The following EPAS1 variants were observed in gnomAD, a reference collection of about 807,000 sequenced individuals.
EPAS1 encodes the protein endothelial PAS domain-containing protein 1.
In EPAS1, 23 loss-of-function variants were observed where a neutral mutation model predicts 87.9. The ratio of observed to expected loss-of-function variants is 0.26; its 90% CI spans 0.19 to 0.37. The LOEUF is 0.37. EPAS1 is among the 10% of genes least tolerant of loss of function. The pLI, the probability that EPAS1 is intolerant of heterozygous loss-of-function variation, is 1.00. For synonymous variants in EPAS1, 508 were observed against 444.3 expected (o/e 1.14, Z -1.80); for missense variants, 1,138 against 1,120.7 (o/e 1.02, Z -0.22).
At chr2:46,359,496 T>A (rs188958160) in intron 4 of EPAS1, among the ~76,000 whole-genome samples, 1 of 152,254 alleles carries the variant, frequency 6.6e-6, no homozygotes, top group East Asian at 1.9e-4. Flanking sequence ...TAATTTGGTA[T>A]GGGAGAAATG....
At chr2:46,384,231 G>A (rs1285942576) in intron 15 of EPAS1, among the ~76,000 whole-genome samples, 3 of 152,202 alleles carry the variant, frequency 2.0e-5, no homozygotes, top group Admixed American at 6.5e-5. Flanking sequence ...AGGCATGGGG[G>A]TCAGCAACCC....
At chr2:46,355,807 G>A (rs1684257521) in intron 2 of EPAS1, among the ~76,000 whole-genome samples, 1 of 152,222 alleles carries the variant, frequency 6.6e-6, no homozygotes, top group Non-Finnish European at 1.5e-5. Context: ...TGTGGTCTGG[G>A]ACAAGAGCTG....
Position 46,376,581 on chromosome 2 carries a change from T to C in EPAS1, c.1077T>C (p.Thr359=), listed in dbSNP as rs149190271. 373 of 1,614,176 alleles carry C rather than the reference T, an allele frequency of 2.3e-4. No homozygotes were observed. The highest frequency in any genetic ancestry group is 2.9e-4 in the Non-Finnish European group (337 of 1,180,034). ...ACGTGGTGTTCTCCATGGACCAGAC[T>C]GAATCCCTGTTCAAGCCCCACCTGA... ...KNDVVFSMDQ[T]ESLFKPHLMA... Residue 359 remains threonine, a synonymous_variant, in exon 9 of 16, where the codon ACT becomes ACC. Transcript: ENST00000263734.
At chr2:46,372,583 C>T (rs1037758249) in intron 7 of EPAS1, among the ~76,000 whole-genome samples, 1 of 152,174 alleles carries the variant, frequency 6.6e-6, no homozygotes, top group African/African-American at 2.4e-5. Context: ...GTCAGTCTCC[C>T]TTTGTTATAT....
intron 1 of EPAS1, among the ~76,000 whole-genome samples, chr2:46,313,074 G>T (rs1268373699): frequency 6.6e-6 from 1 of 152,190 alleles, no homozygotes. Context: ...TCTTTAAGAG[G>T]TCAGACAGCT....
chr2:46,366,190 C>A (rs755292299), intron 6 of EPAS1, among the ~76,000 whole-genome samples: 21 of 152,250 alleles, frequency 1.4e-4, no homozygotes, highest in Non-Finnish European at 2.1e-4. Context: ...CTTCTCAGGC[C>A]TGTGGGTGGA....
At chr2:46,357,272 T>C (rs1054562633) in intron 4 of EPAS1, among the ~76,000 whole-genome samples, 1 of 152,212 alleles carries the variant, frequency 6.6e-6, no homozygotes, top group African/African-American at 2.4e-5. Flanking sequence ...CTCCATGTGA[T>C]GTCAGCTGGG....
chr2:46,320,053 A>G (rs1196807831), intron 1 of EPAS1, among the ~76,000 whole-genome samples: 2 of 152,246 alleles, frequency 1.3e-5, no homozygotes, highest in Admixed American at 6.5e-5. Context: ...TATTACAACA[A>G]TCTGAATAAT....
At chr2:46,377,091 T>C (rs928714239) in intron 9 of EPAS1, among the ~76,000 whole-genome samples, 1 of 152,142 alleles carries the variant, frequency 6.6e-6, no homozygotes, top group African/African-American at 2.4e-5. Flanking sequence ...CCGAGGCCAC[T>C]TGGACACTGT....
rs370619221 is a variant in EPAS1 at position 46,380,483 on chromosome 2, T to A, written c.1811T>A (p.Met604Lys). Reference protein sequence around the residue: ...SKKTEPEHRPMSSIFFDAGSK... With the variant: ...SKKTEPEHRPKSSIFFDAGSK... ...AAGACAGAGCCCGAGCACCGGCCCA[T>A]GTCCTCCATCTTCTTTGATGCCGGA... The change falls in exon 12 of 16, where the codon ATG becomes AAG. Residue 604 changes from methionine (M) to lysine (K), a missense_variant. By Grantham distance (95) the Met-to-Lys change is moderately conservative. Coordinates refer to ENST00000263734, the MANE Select transcript of EPAS1 (RefSeq NM_001430.5). This position sits in a 1 kb window ranked among gnomAD's most constrained non-coding sequence, Gnocchi z 4.4. The A allele has an allele frequency of 6.2e-7, 1 of 1,614,044 alleles. No homozygotes were observed. Among genetic ancestry groups the A allele is most frequent in the African/African-American group, 1.3e-5 (1 of 74,916 alleles).
intron 7 of EPAS1, among the ~76,000 whole-genome samples, chr2:46,373,243 A>G (rs191327104): frequency 1.9e-3 from 291 of 152,366 alleles, no homozygotes; most frequent in Admixed American, 4.2e-3. Context: ...TCTTATAAAC[A>G]TATACTTTAC....
rs748771714 is a variant in EPAS1, at chr2:46,380,307, C to G, written c.1635C>G (p.Ile545Met). ...MDGEDFQLSP[I>M]CPEERLLAEN... ...GGGAAGACTTCCAGCTAAGCCCCAT[C>G]TGCCCCGAGGAGCGGCTCTTGGCGG... The change falls in exon 12 of 16, where the codon ATC becomes ATG. Residue 545 changes from isoleucine to methionine, a missense_variant. This residue lies in a region of EPAS1 where 502 missense variants were observed against 427.1 expected (regional missense o/e 1.18). Coordinates refer to ENST00000263734, the MANE Select transcript of EPAS1 (RefSeq NM_001430.5). The surrounding 1 kb of genome is among the most constrained non-coding windows in gnomAD (Gnocchi z 4.4). The G allele has an allele frequency of 8.1e-6, 13 of 1,614,040 alleles. No individual in the cohort carries two copies. The East Asian group carries it at 1.1e-4, about 14-fold the overall frequency.
chr2:46,364,632 T>C (rs536858123), intron 6 of EPAS1, among the ~76,000 whole-genome samples: 1 of 152,350 alleles, frequency 6.6e-6, no homozygotes, highest in African/African-American at 2.4e-5. Flanking sequence ...GTAAATACTT[T>C]TAAAAGTAAA....
At chr2:46,381,785 A>C in intron 13 of EPAS1, 63 bp downstream of exon 13, 1 of 1,607,400 alleles carries the variant, frequency 6.2e-7, no homozygotes, top group Non-Finnish European at 8.5e-7. Context: ...AGGGCTGCTG[A>C]GAGGGGTGGG....
At chr2:46,383,149 C>T (rs1022076898) in intron 15 of EPAS1, among the ~76,000 whole-genome samples, 2 of 152,214 alleles carry the variant, frequency 1.3e-5, no homozygotes, top group Non-Finnish European at 2.9e-5. Context: ...GATCAGGTGC[C>T]ATCCAGGGCT....
At position 46,375,029 on chromosome 2, in the gene EPAS1, G is replaced by GT. The variant is rs1479723347; in HGVS notation, c.887-660dup. Among the ~76,000 whole-genome samples, 1 of 152,164 alleles carries GT rather than the reference G, an allele frequency of 6.6e-6. No homozygotes were observed. The highest frequency in any genetic ancestry group is 2.4e-5 in the African/African-American group (1 of 41,442). On this transcript the variant is annotated intron_variant, in intron 7 of 15. Coordinates refer to ENST00000263734, the MANE Select transcript of EPAS1 (RefSeq NM_001430.5). The surrounding 1 kb of genome is among the most constrained non-coding windows in gnomAD (Gnocchi z 4.1). Reference sequence around the variant, plus strand: ...CTTTCTCAGCCCCAACTGAGAAAGGGTGGGGTGGTTTGCCTCTGCCTTTGC... The same window carrying GT: ...CTTTCTCAGCCCCAACTGAGAAAGGGTTGGGGTGGTTTGCCTCTGCCTTTGC...
chr2:46,323,002 A>G (rs753829647), intron 1 of EPAS1, among the ~76,000 whole-genome samples: 2 of 152,228 alleles, frequency 1.3e-5, no homozygotes, highest in Non-Finnish European at 1.5e-5. Context: ...GAATCAATCT[A>G]TTAACAGCTG....
At chr2:46,329,086 A>G (rs1307791120) in intron 1 of EPAS1, among the ~76,000 whole-genome samples, 2 of 152,250 alleles carry the variant, frequency 1.3e-5, no homozygotes, top group African/African-American at 4.8e-5. Context: ...TAAGAACTTG[A>G]TAGAGTGTTA....
At chr2:46,369,582 G>T (rs1420902026) in intron 6 of EPAS1, among the ~76,000 whole-genome samples, 1 of 152,174 alleles carries the variant, frequency 6.6e-6, no homozygotes, top group African/African-American at 2.4e-5. Flanking sequence ...CTCAGAACTG[G>T]TGCTTTTCTC....
Sources: allele counts gnomAD v4.1 joint callset (sites outside exome capture counted in the v4.1 genomes callset), GRCh38; gene constraint gnomAD v4.1.1; regional missense constraint gnomAD v4.1.1; non-coding constraint Gnocchi (gnomAD v3.1); transcripts MANE v1.5; gene names NCBI Gene and HGNC (gene_info 2026-07-23, HGNC 2026-07-21).